The following PCSK2 variants were observed in gnomAD, a reference collection of about 807,000 sequenced individuals.
PCSK2 encodes proprotein convertase subtilisin/kexin type 2.
A neutral mutation model predicts 69.7 loss-of-function variants in PCSK2; 14 were observed. That is an observed-to-expected ratio of 0.20 (90% CI 0.13 to 0.31). The LOEUF (loss-of-function observed/expected upper bound fraction) is 0.31. Among genes scored for constraint, PCSK2 ranks in the 10% least tolerant of loss-of-function variants. PCSK2 has a pLI of 1.00. For synonymous variants in PCSK2, 307 were observed against 320.7 expected, an observed-to-expected ratio of 0.96 and a Z score of 0.46; for missense variants, 544 against 842.5, an observed-to-expected ratio of 0.65 and a Z score of 4.39.
At position 17,476,252 on chromosome 20, in the gene PCSK2, G is replaced by A. The variant is rs1403887710; in HGVS notation, c.1431-5332G>A. Among the ~76,000 whole-genome samples, 4 of 152,200 alleles carry A rather than the reference G, an allele frequency of 2.6e-5. No individual in the cohort carries two copies. In the East Asian group the frequency reaches 7.7e-4, roughly 29 times the overall value. On this transcript the variant is annotated intron_variant, in intron 11 of 11. Transcript: ENST00000262545. ...GAAACAGAAGGCCAAGAGACTCTCT[G>A]CCTGTTGTTGTTGTTCTTATCAGAT...
chr20:17,474,676 C>T (rs1048757243), intron 11 of PCSK2, among the ~76,000 whole-genome samples: 1 of 152,182 alleles, frequency 6.6e-6, no homozygotes, highest in African/African-American at 2.4e-5. Context: ...AAGATTCACA[C>T]AGACAGGAAC....
At chr20:17,438,351 C>T (rs1245993661) in intron 8 of PCSK2, among the ~76,000 whole-genome samples, 2 of 152,130 alleles carry the variant, frequency 1.3e-5, no homozygotes, top group Non-Finnish European at 2.9e-5. Context: ...GTACAGAACG[C>T]TATGTTTAAC....
chr20:17,465,552 G>C lies in PCSK2; in HGVS notation c.1429G>C (p.Glu477Gln), dbSNP rs1411407808. 1 of 1,569,012 alleles carries C rather than the reference G, an allele frequency of 6.4e-7. No homozygotes were observed. Among genetic ancestry groups the C allele is most frequent in the South Asian group, 1.2e-5 (1 of 84,920 alleles). The change falls in exon 11 of 12, where the codon GAG (glutamate) becomes CAG (glutamine). Residue 477 changes from glutamate to glutamine, a missense_variant and splice_region_variant. By Grantham distance (29) the Glu-to-Gln change is conservative. Coordinates refer to ENST00000262545, the MANE Select transcript of PCSK2 (RefSeq NM_002594.5). ...TGTGGGAGGCTCCGTGCAGGACCCT[G>C]AGTAAGTGGGGGTAGTGGTCCCTCT... ...HCVGGSVQDPEKIPSTGKLVL... is the reference protein window; with the variant it reads ...HCVGGSVQDPQKIPSTGKLVL...
At chr20:17,307,095 T>C (rs1989350042) in intron 2 of PCSK2, among the ~76,000 whole-genome samples, 1 of 152,208 alleles carries the variant, frequency 6.6e-6, no homozygotes, top group Non-Finnish European at 1.5e-5. Flanking sequence ...TTATAGATTA[T>C]AATTCCCTAT....
At chr20:17,287,431 CTGTGTG>C (rs67695913) in intron 2 of PCSK2, among the ~76,000 whole-genome samples, 173 of 145,944 alleles carry the variant, frequency 1.2e-3, no homozygotes, top group Admixed American at 5.1e-3. Flanking sequence ...ATGTGCGTGT[CTGTGTG>C]TGTGTGTGTG....
chr20:17,427,756 TTTAG>T (rs551968660), intron 6 of PCSK2, among the ~76,000 whole-genome samples: 150 of 152,290 alleles, frequency 9.8e-4, no homozygotes, highest in African/African-American at 3.5e-3. Flanking sequence ...GGCTGATTGG[TTTAG>T]GATGACCTCA....
intron 10 of PCSK2, chr20:17,463,310 A>G (rs2033043542): frequency 6.6e-6 from 1 of 152,162 alleles, no homozygotes; most frequent in South Asian, 2.1e-4. Context: ...CACTTCTGAG[A>G]TTAATAAACT....
chr20:17,230,003 T>C (rs1300095067), intron 1 of PCSK2, among the ~76,000 whole-genome samples: 1 of 152,224 alleles, frequency 6.6e-6, no homozygotes, highest in African/African-American at 2.4e-5. Context: ...CCTCCTATAT[T>C]TCTCATTTCC....
At chr20:17,326,522 T>C (rs1168197101) in intron 2 of PCSK2, among the ~76,000 whole-genome samples, 2 of 152,198 alleles carry the variant, frequency 1.3e-5, no homozygotes, top group Admixed American at 1.3e-4. Context: ...TTGTGAGAAA[T>C]GTACCATACT....
At chr20:17,478,242 C>T (rs1349484647) in intron 11 of PCSK2, among the ~76,000 whole-genome samples, 1 of 151,788 alleles carries the variant, frequency 6.6e-6, no homozygotes, top group Admixed American at 6.6e-5. Context: ...TTTTCCTTCC[C>T]CAAATATTAA....
At chr20:17,371,953 G>A (rs1003787456) in intron 5 of PCSK2, among the ~76,000 whole-genome samples, 4 of 152,106 alleles carry the variant, frequency 2.6e-5, no homozygotes, top group African/African-American at 9.6e-5. Flanking sequence ...GCTTTTCCTG[G>A]AAAAAAGAAA....
intron 5 of PCSK2, among the ~76,000 whole-genome samples, chr20:17,381,046 C>A (rs74181952): frequency 6.6e-6 from 1 of 152,140 alleles, no homozygotes; most frequent in Admixed American, 6.6e-5. Context: ...TACATTAGAG[C>A]GGTCTGGAGC....
intron 5 of PCSK2, among the ~76,000 whole-genome samples, chr20:17,403,872 T>A (rs2031697445): frequency 6.6e-6 from 1 of 152,242 alleles, no homozygotes; most frequent in South Asian, 2.1e-4. Flanking sequence ...TGCACAACTA[T>A]AACCATAGAG....
intron 7 of PCSK2, among the ~76,000 whole-genome samples, chr20:17,430,871 T>C (rs1002763787): frequency 6.6e-6 from 1 of 152,198 alleles, no homozygotes; most frequent in Non-Finnish European, 1.5e-5. Context: ...CAAAGTAAAA[T>C]GACCACCTGC....
intron 10 of PCSK2, chr20:17,464,552 C>A (rs1568661204): frequency 1.3e-5 from 2 of 152,204 alleles, no homozygotes; most frequent in Non-Finnish European, 2.9e-5. Flanking sequence ...TCCCTGTATC[C>A]CCTTCCAGTC....
Position 17,384,354 on chromosome 20 carries a change from G to A in PCSK2, c.543+15077G>A, listed in dbSNP as rs147979946. On this transcript the variant is annotated intron_variant, in intron 5 of 11. Coordinates refer to ENST00000262545, the MANE Select transcript of PCSK2 (RefSeq NM_002594.5). ...TGTAATCCCAGCACTTTGGGAGGCCGAGGTGGGTGGATCACCTGAGGTCAG... is the reference window on the plus strand; with the variant it reads ...TGTAATCCCAGCACTTTGGGAGGCCAAGGTGGGTGGATCACCTGAGGTCAG... Among the ~76,000 whole-genome samples the A allele has an allele frequency of 2.6e-3, 385 of 149,730 alleles. 5 individuals carry two copies. The highest frequency in any genetic ancestry group is 8.8e-3 in the African/African-American group (356 of 40,602).
intron 2 of PCSK2, among the ~76,000 whole-genome samples, chr20:17,314,658 A>G (rs1241213816): frequency 2.0e-5 from 3 of 152,240 alleles, no homozygotes; most frequent in Non-Finnish European, 4.4e-5. Flanking sequence ...GAACACAAGG[A>G]CACCAGTTGT....
At chr20:17,431,419 C>T (rs2032364641) in intron 7 of PCSK2, among the ~76,000 whole-genome samples, 2 of 152,182 alleles carry the variant, frequency 1.3e-5, no homozygotes, top group Non-Finnish European at 2.9e-5. Context: ...CCAGAGGACC[C>T]GGTGGGTGCA....
At chr20:17,436,222 C>T (rs2032481745) in intron 7 of PCSK2, among the ~76,000 whole-genome samples, 1 of 152,282 alleles carries the variant, frequency 6.6e-6, no homozygotes, top group South Asian at 2.1e-4. Flanking sequence ...ACCCCACCCG[C>T]TCCTGCACTG....
Sources: allele counts gnomAD v4.1 joint callset (sites outside exome capture counted in the v4.1 genomes callset), GRCh38; gene constraint gnomAD v4.1.1; transcripts MANE v1.5; gene names NCBI Gene and HGNC (gene_info 2026-07-23, HGNC 2026-07-21).